The following STC1 variants were observed in gnomAD, a reference collection of about 807,000 sequenced individuals.
STC1 encodes the protein stanniocalcin-1.
STC1 carries 7 observed loss-of-function variants against 22.6 expected under a neutral mutation model. The ratio of observed to expected loss-of-function variants is 0.31; its 90% CI spans 0.18 to 0.58. STC1 has a LOEUF of 0.58. Ranked by LOEUF, STC1 falls within the 20% of genes least tolerant of loss-of-function variation. STC1 has a pLI of 0.89. For missense variants in STC1, 224 were observed against 311.0 expected (o/e 0.72, Z 2.10); for synonymous variants, 113 against 120.7 (o/e 0.94, Z 0.42).
At chr8:23,850,761 C>T (rs1274618813) in intron 3 of STC1, among the ~76,000 whole-genome samples, 1 of 152,064 alleles carries the variant, frequency 6.6e-6, no homozygotes, top group Non-Finnish European at 1.5e-5. Flanking sequence ...ATGGTCCAGT[C>T]CAGCCATTTT....
At chr8:23,850,978 A>G (rs12678447) in intron 3 of STC1, among the ~76,000 whole-genome samples, 7,937 of 149,166 alleles carry the variant, frequency 0.053, 409 homozygotes, top group East Asian at 0.23. Flanking sequence ...GTTTCAGCCA[A>G]ATCTGATGTC....
At chr8:23,849,229 G>A (rs1192411274) in intron 3 of STC1, among the ~76,000 whole-genome samples, 1 of 152,238 alleles carries the variant, frequency 6.6e-6, no homozygotes, top group Non-Finnish European at 1.5e-5. Context: ...TGTGTCTATG[G>A]TGGGATAGAG....
rs935987415 is a variant in STC1 at position 23,854,574 on chromosome 8, C to T, written c.-51G>A. 2.8e-6 allele frequency: 4 copies of T among 1,440,000 alleles called. No individual in the cohort carries two copies. Among genetic ancestry groups the T allele is most frequent in the African/African-American group, 1.4e-5 (1 of 71,204 alleles). The allele number at this position is 1,440,000 out of a possible 1,614,324, so 89.2% of individuals were successfully genotyped here. A position where few individuals can be genotyped will look rare whatever the true frequency, so the allele number is the denominator to read the frequency against. ...TTGGGTTTTTTTTTTTTCCTGCCCC[C>T]CTTTCCTCTTTCCCTCTCCTGGCTT... On this transcript the variant is annotated 5_prime_UTR_variant, in exon 1 of 4. Coordinates refer to ENST00000290271, the MANE Select transcript of STC1 (RefSeq NM_003155.3).
At chr8:23,849,658 G>T (rs1369988467) in intron 3 of STC1, among the ~76,000 whole-genome samples, 1 of 152,066 alleles carries the variant, frequency 6.6e-6, no homozygotes, top group Non-Finnish European at 1.5e-5. Flanking sequence ...GATGAAATAG[G>T]GAGATTAGTA....
In STC1 at chr8:23,852,004, G is replaced by A. The variant is rs530206410; in HGVS notation, c.261+238C>T. Among the ~76,000 whole-genome samples, 6 of 152,266 alleles carry A rather than the reference G, an allele frequency of 3.9e-5. No individual in the cohort carries two copies. In the South Asian group the frequency reaches 1.2e-3, roughly 32 times the overall value. Reference sequence around the variant, plus strand: ...TAGCTCCTTAGAATCATGCATTAGAGTGAGTGGGGCGTGTCTTATACAGAA... The same window carrying A: ...TAGCTCCTTAGAATCATGCATTAGAATGAGTGGGGCGTGTCTTATACAGAA... On this transcript the variant is annotated intron_variant, in intron 2 of 3. Coordinates refer to ENST00000290271, the MANE Select transcript of STC1 (RefSeq NM_003155.3).
At chr8:23,852,148 G>GCTGGTTCCCTACAAGA in intron 2 of STC1, 94 bp downstream of exon 2, 2 of 1,513,100 alleles carry the variant, frequency 1.3e-6, no homozygotes, top group Non-Finnish European at 1.8e-6. Flanking sequence ...GAGAAGCAGG[G>GCTGGTTCCCTACAAGA]CTGGTTCCCT....
chr8:23,845,609 C>G (rs1802563650), intron 3 of STC1, among the ~76,000 whole-genome samples: 1 of 151,896 alleles, frequency 6.6e-6, no homozygotes, highest in Non-Finnish European at 1.5e-5. Context: ...AAACTTCTGT[C>G]TAAGGCCCCC....
rs118170086 is a variant in STC1 at position 23,850,672 on chromosome 8, C to T, written c.473+648G>A. ...TACTAAGATGAGAATGGGATCTGGA[C>T]AGCCATAAAACACACTCATTCTAGG... is the stretch of plus-strand genomic sequence containing the variant. On this transcript the variant is annotated intron_variant, in intron 3 of 3. Coordinates refer to ENST00000290271, the MANE Select transcript of STC1 (RefSeq NM_003155.3). Among the ~76,000 whole-genome samples, 550 of 152,244 alleles carry T rather than the reference C, an allele frequency of 3.6e-3. 1 individual carries two copies. The highest frequency in any genetic ancestry group is 6.2e-3 in the Non-Finnish European group (424 of 68,014).
intron 3 of STC1, among the ~76,000 whole-genome samples, chr8:23,845,600 A>C (rs952292917): frequency 2.6e-5 from 4 of 151,650 alleles, no homozygotes; most frequent in African/African-American, 9.7e-5. Flanking sequence ...CTTCTGATGA[A>C]ACTTCTGTCT....
At position 23,854,705 on chromosome 8, in the gene STC1, CGCT is replaced by C. The variant is rs774315422; in HGVS notation, c.-185_-183del. Reference sequence around the variant, plus strand: ...ATGCTGCTGCTGCCACCGGTGCCTCCGCTGCTGCTGCTGCTGCCGCCGCTGCTG... The same window carrying C: ...ATGCTGCTGCTGCCACCGGTGCCTCCGCTGCTGCTGCTGCCGCCGCTGCTG... On this transcript the variant is annotated 5_prime_UTR_variant, in exon 1 of 4. Transcript: ENST00000290271. 9.2e-4 allele frequency: 634 copies of C among 687,666 alleles called. 2 individuals carry two copies. The highest frequency in any genetic ancestry group is 1.5e-3 in the South Asian group (101 of 65,808). 42.6% of individuals were successfully genotyped at this position (687,666 alleles called of 1,614,324 possible). A position where few individuals can be genotyped will look rare whatever the true frequency, so the allele number is the denominator to read the frequency against.
rs1280458859 is a variant in STC1, at chr8:23,854,726, CGCTGCTGCTGCTGCTGCCACCGCCGCT to C, written c.-230_-204del. 4.0e-5 allele frequency: 26 copies of C among 656,664 alleles called. No homozygotes were observed. Among genetic ancestry groups the C allele is most frequent in the East Asian group, 1.2e-4 (4 of 34,350 alleles). 40.7% of individuals were successfully genotyped at this position (656,664 alleles called of 1,614,324 possible). A position where few individuals can be genotyped will look rare whatever the true frequency, so the allele number is the denominator to read the frequency against. ...CCTCCGCTGCTGCTGCTGCTGCCGC[CGCTGCTGCTGCTGCTGCCACCGCCGCT>C]GCTGCTGCTGCTGCTGCAGTCGCTG... On this transcript the variant is annotated 5_prime_UTR_variant, in exon 1 of 4. Coordinates refer to ENST00000290271, the MANE Select transcript of STC1 (RefSeq NM_003155.3).
chr8:23,850,179 G>A (rs1004473834), intron 3 of STC1, among the ~76,000 whole-genome samples: 1 of 152,160 alleles, frequency 6.6e-6, no homozygotes, highest in African/African-American at 2.4e-5. Flanking sequence ...CTACTTTTTT[G>A]TTGCATGTAT....
chr8:23,849,480 T>C (rs1585306825), intron 3 of STC1, among the ~76,000 whole-genome samples: 1 of 152,208 alleles, frequency 6.6e-6, no homozygotes, highest in East Asian at 1.9e-4. Context: ...AAGACTTTCT[T>C]TGTGACCATT....
chr8:23,845,297 C>T (rs931607185), intron 3 of STC1, among the ~76,000 whole-genome samples: 4 of 152,100 alleles, frequency 2.6e-5, no homozygotes, highest in Middle Eastern at 3.2e-3. Context: ...TTAGATCACA[C>T]TTTGAAGAGC....
chr8:23,852,182 T>C lies in STC1; in HGVS notation c.261+60A>G, dbSNP rs1293986955. On this transcript the variant is annotated intron_variant, in intron 2 of 3. Transcript: ENST00000290271. Reference sequence around the variant, plus strand: ...CTACAAGACTGGTTCCTAAGAACCATGGTCTAACACACTGTTAAAGACAAG... The same window carrying C: ...CTACAAGACTGGTTCCTAAGAACCACGGTCTAACACACTGTTAAAGACAAG... 5 of 1,608,076 alleles carry C rather than the reference T, an allele frequency of 3.1e-6. No homozygotes were observed. The South Asian group carries it at 3.3e-5, about 11-fold the overall frequency.
intron 1 of STC1, chr8:23,854,141 C>T (rs543076804): frequency 2.4e-6 from 3 of 1,275,720 alleles, no homozygotes; most frequent in South Asian, 2.0e-5. Flanking sequence ...CAAGAGGGTA[C>T]GTGCCAGATT....
rs955125681 is a variant in STC1 at position 23,854,708 on chromosome 8, T to A, written c.-185A>T. 39 of 616,906 alleles carry A rather than the reference T, an allele frequency of 6.3e-5. 2 individuals are homozygous for A. The Admixed American group carries it at 6.3e-4, about 10-fold the overall frequency. 38.2% of individuals were successfully genotyped at this position (616,906 alleles called of 1,614,324 possible). ...CTGCTGCTGCCACCGGTGCCTCCGC[T>A]GCTGCTGCTGCTGCCGCCGCTGCTG... On this transcript the variant is annotated 5_prime_UTR_variant, in exon 1 of 4. Transcript: ENST00000290271.
chr8:23,853,766 A>G (rs1392000420), intron 1 of STC1, among the ~76,000 whole-genome samples: 12 of 150,916 alleles, frequency 8.0e-5, no homozygotes, highest in East Asian at 7.8e-4. Flanking sequence ...ACGTTTCACA[A>G]TTTTTTTTTT....
intron 2 of STC1, 139 bp from the exon 3 acceptor site, chr8:23,851,670 C>A: frequency 1.5e-6 from 1 of 652,514 alleles, no homozygotes; most frequent in Non-Finnish European, 2.6e-6. Flanking sequence ...GAGAAGATTG[C>A]ATGTCTCGGC....
Sources: allele counts gnomAD v4.1 joint callset (sites outside exome capture counted in the v4.1 genomes callset), GRCh38; gene constraint gnomAD v4.1.1; transcripts MANE v1.5; gene names NCBI Gene and HGNC (gene_info 2026-07-23, HGNC 2026-07-21).